Variants in CHAT observed in about 807,000 individuals in gnomAD.
CHAT encodes the protein choline O-acetyltransferase, also known as acetyl CoA:choline O-acetyltransferase.
A neutral mutation model predicts 76.9 loss-of-function variants in CHAT; 61 were observed. The observed-to-expected ratio is 0.79, with a 90% CI of 0.65 to 0.98. The LOEUF is 0.98. Ranked by LOEUF, CHAT falls within the 50% of genes least tolerant of loss-of-function variation. The pLI is 0.00. For missense variants in CHAT, 946 were observed against 986.9 expected (o/e 0.96, Z 0.56); for synonymous variants, 407 against 397.4 (o/e 1.02, Z -0.29).
At chr10:49,663,058 C>G (rs1590629045) in intron 14 of CHAT, among the ~76,000 whole-genome samples, 1 of 152,010 alleles carries the variant, frequency 6.6e-6, no homozygotes, top group South Asian at 2.1e-4. Flanking sequence ...CATGGGGAGA[C>G]CTCATCTCCC....
rs1419374760 is a variant in CHAT at position 49,614,234 on chromosome 10, GA to G, written c.48del (p.Lys16AsnfsTer184). ...AKKRGLGGGGKWKREEGGGTR... is the reference protein window; with the variant it reads ...AKKRGLGGGGXWKREEGGGTR... ...AGAAGAGGGGGCTTGGGGGAGGGGG[GA>G]AATGGAAGAGAGAGGAGGGAGGAGG... On this transcript the variant is annotated frameshift_variant, in exon 1 of 15. Coordinates refer to ENST00000337653, the MANE Select transcript of CHAT (RefSeq NM_020549.5). LOFTEE classifies it high-confidence loss of function. 1.3e-6 allele frequency: 2 copies of G among 1,489,686 alleles called. No individual in the cohort carries two copies. Among genetic ancestry groups the G allele is most frequent in the East Asian group, 2.5e-5 (1 of 39,462 alleles). 92.3% of individuals were successfully genotyped at this position (1,489,686 alleles called of 1,614,324 possible).
upstream of CHAT, chr10:49,611,782 C>CG: frequency 6.2e-7 from 1 of 1,603,050 alleles, no homozygotes; most frequent in Non-Finnish European, 8.5e-7. Context: ...CACCGTGCGC[C>CG]TGGCGGCGCG....
chr10:49,631,655 C>G (rs983072756), intron 7 of CHAT, among the ~76,000 whole-genome samples: 1 of 152,134 alleles, frequency 6.6e-6, no homozygotes, highest in African/African-American at 2.4e-5. Flanking sequence ...AGGATGTGAA[C>G]TAGAAAGCCA....
chr10:49,622,043 A>AAG (rs1838745671), intron 4 of CHAT, 54 bp from the exon 5 acceptor site: 1 of 475,338 alleles, frequency 2.1e-6, no homozygotes, highest in Non-Finnish European at 3.1e-6. Flanking sequence ...GGAGGGAGGG[A>AAG]GGGAGGAAGC....
chr10:49,654,560 T>A (rs1839975077), intron 11 of CHAT, among the ~76,000 whole-genome samples: 1 of 152,214 alleles, frequency 6.6e-6, no homozygotes, highest in Non-Finnish European at 1.5e-5. Context: ...GACACAGTCA[T>A]CAGGGAAGAG....
At chr10:49,612,184 C>A (rs138708428), upstream of CHAT, 4 of 1,609,874 alleles carry the variant, frequency 2.5e-6, no homozygotes, top group South Asian at 2.2e-5. Context: ...CCGTTCCGAG[C>A]GCGATGTGCT....
At chr10:49,639,432 A>C (rs567219406) in intron 7 of CHAT, among the ~76,000 whole-genome samples, 1 of 149,488 alleles carries the variant, frequency 6.7e-6, no homozygotes, top group East Asian at 2.0e-4. Flanking sequence ...AGCACTTACA[A>C]AATATTATGG....
At chr10:49,628,370 T>C (rs1338136163) in intron 7 of CHAT, among the ~76,000 whole-genome samples, 1 of 152,230 alleles carries the variant, frequency 6.6e-6, no homozygotes, top group African/African-American at 2.4e-5. Context: ...TTCCAGGAGC[T>C]GATGGAATGC....
chr10:49,622,459 G>A (rs1838764850), intron 5 of CHAT, among the ~76,000 whole-genome samples: 1 of 152,182 alleles, frequency 6.6e-6, no homozygotes, highest in Non-Finnish European at 1.5e-5. Flanking sequence ...ATAGGAAGGC[G>A]GGGAAGGAAG....
chr10:49,610,627 A>G (rs904515466), upstream of CHAT: 4 of 1,057,154 alleles, frequency 3.8e-6, no homozygotes, highest in Non-Finnish European at 5.2e-6. Flanking sequence ...GGCACAGGGG[A>G]GTCTGCTCGG....
chr10:49,656,003 G>T (rs1259000939), intron 13 of CHAT, among the ~76,000 whole-genome samples: 2 of 152,316 alleles, frequency 1.3e-5, no homozygotes, highest in East Asian at 3.9e-4. Context: ...GCTATTGTTT[G>T]CAATAGCAAA....
At position 49,643,793 on chromosome 10, in the gene CHAT, C is replaced by A. The variant is rs549748089; in HGVS notation, c.1112-2712C>A. Among the ~76,000 whole-genome samples the A allele has an allele frequency of 1.6e-4, 24 of 152,338 alleles. No homozygotes were observed. In the South Asian group the frequency reaches 5.0e-3, roughly 32 times the overall value. On this transcript the variant is annotated intron_variant, in intron 7 of 14. Transcript: ENST00000337653. ...TCCACAGATCCCAGCCCTACTTTGC[C>A]CAGGCCAAGGGAAGCACACTAAAGT... is the stretch of plus-strand genomic sequence containing the variant.
In CHAT at chr10:49,667,571, A is replaced by C. The variant is rs888005731; in HGVS notation, c.*2525A>C. Reference sequence around the variant, plus strand: ...ACACGGGTGCACTGAGTCTTTATGCAAAGGCAACACTGAGCCATGGCCAAG... The same window carrying C: ...ACACGGGTGCACTGAGTCTTTATGCCAAGGCAACACTGAGCCATGGCCAAG... On this transcript the variant is annotated 3_prime_UTR_variant, in exon 15 of 15. Transcript: ENST00000337653. 6.6e-6 allele frequency among the ~76,000 whole-genome samples: 1 copy of C among 152,194 alleles called. No individual in the cohort carries two copies. The highest frequency in any genetic ancestry group is 1.5e-5 in the Non-Finnish European group (1 of 68,026).
chr10:49,641,185 T>A (rs888065001), intron 7 of CHAT, among the ~76,000 whole-genome samples: 1 of 152,200 alleles, frequency 6.6e-6, no homozygotes, highest in African/African-American at 2.4e-5. Context: ...AGACCTTATT[T>A]AACTTTATCT....
intron 5 of CHAT, among the ~76,000 whole-genome samples, chr10:49,623,321 C>A (rs1019407963): frequency 6.6e-6 from 1 of 152,172 alleles, no homozygotes. Context: ...CATGTGTGTG[C>A]ACACTCACAC....
intron 6 of CHAT, 79 bp downstream of exon 6, chr10:49,625,732 G>A: frequency 1.4e-6 from 2 of 1,438,192 alleles, no homozygotes; most frequent in Admixed American, 2.0e-5. Flanking sequence ...CCTTCTCCGA[G>A]GGGGCTCAGC....
At position 49,629,044 on chromosome 10, in the gene CHAT, G is replaced by A. The variant is rs542967988; in HGVS notation, c.1111+1259G>A. Among the ~76,000 whole-genome samples the A allele has an allele frequency of 3.3e-5, 5 of 152,372 alleles. No individual in the cohort carries two copies. The South Asian group carries it at 6.2e-4, about 19-fold the overall frequency. On this transcript the variant is annotated intron_variant, in intron 7 of 14. Transcript: ENST00000337653. ...CAGGCCTGCCTTGGGCATCCTTCCC[G>A]CACACTCTGTCACTGTGGCCCGTTC...
At chr10:49,625,408 C>A in intron 5 of CHAT, 65 bp from the exon 6 acceptor site, 3 of 1,498,660 alleles carry the variant, frequency 2.0e-6, no homozygotes, top group Middle Eastern at 4.7e-4. Flanking sequence ...AAAACCCATT[C>A]TCTGTCTCCC....
chr10:49,611,844 C>T (rs1280312684), upstream of CHAT: 4 of 1,604,714 alleles, frequency 2.5e-6, no homozygotes, highest in African/African-American at 1.3e-5. Flanking sequence ...CTGTGATCGG[C>T]GCCAGCTCGT....
Sources: allele counts gnomAD v4.1 joint callset (sites outside exome capture counted in the v4.1 genomes callset), GRCh38; gene constraint gnomAD v4.1.1; transcripts MANE v1.5; gene names NCBI Gene and HGNC (gene_info 2026-07-23, HGNC 2026-07-21).